The following LRFN5 variants were observed in gnomAD, a reference collection of about 807,000 sequenced individuals.
LRFN5 encodes leucine rich repeat and fibronectin type III domain containing 5.
LRFN5 carries 24 observed loss-of-function variants against 45.6 expected under a neutral mutation model. The ratio of observed to expected loss-of-function variants is 0.53; its 90% confidence interval spans 0.38 to 0.74. The LOEUF (loss-of-function observed/expected upper bound fraction) is 0.74, where lower values mean the gene tolerates loss of function less well. LRFN5 is among the 30% of genes least tolerant of loss of function. LRFN5 has a pLI of 0.00. For missense variants in LRFN5, 776 were observed against 861.5 expected, an observed-to-expected ratio of 0.90 and a Z score of 1.24; for synonymous variants, 340 against 313.8, an observed-to-expected ratio of 1.08 and a Z score of -0.88.
intron 2 of LRFN5, among the ~76,000 whole-genome samples, chr14:41,785,090 G>C (rs1041975595): frequency 6.6e-6 from 1 of 151,824 alleles, no homozygotes; most frequent in African/African-American, 2.4e-5. Context: ...CTTTTTTTTG[G>C]AGTGGTGTTT....
intron 2 of LRFN5, among the ~76,000 whole-genome samples, chr14:41,833,510 C>G (rs1385832518): frequency 6.6e-6 from 1 of 152,202 alleles, no homozygotes; most frequent in Non-Finnish European, 1.5e-5. Flanking sequence ...TTATCTCTTT[C>G]AAGGCAAAGT....
intron 1 of LRFN5, among the ~76,000 whole-genome samples, chr14:41,727,378 A>G (rs1883981722): frequency 6.6e-6 from 1 of 152,094 alleles, no homozygotes; most frequent in Admixed American, 6.6e-5. Flanking sequence ...CAGAGGCAGG[A>G]GGCTTACTTG....
rs554896568 is a variant in LRFN5 at position 41,902,223 on chromosome 14, G to A, written c.2143-1935G>A. Among the ~76,000 whole-genome samples, 4 of 151,838 alleles carry A rather than the reference G, an allele frequency of 2.6e-5. No individual in the cohort carries two copies. The East Asian group carries it at 5.8e-4, about 22-fold the overall frequency. On this transcript the variant is annotated intron_variant, in intron 5 of 5. Transcript: ENST00000298119. ...TAAGACTGTCCACAGATTTTTGCATGATATCCACTCACTCTTAAATGAGGA... is the reference window on the plus strand; with the variant it reads ...TAAGACTGTCCACAGATTTTTGCATAATATCCACTCACTCTTAAATGAGGA...
At chr14:41,689,377 A>G (rs1341153081) in intron 1 of LRFN5, among the ~76,000 whole-genome samples, 1 of 152,208 alleles carries the variant, frequency 6.6e-6, no homozygotes, top group Non-Finnish European at 1.5e-5. Flanking sequence ...CAATAAAAAG[A>G]AAACATGACT....
At chr14:41,819,808 T>G (rs1888049582) in intron 2 of LRFN5, among the ~76,000 whole-genome samples, 1 of 152,074 alleles carries the variant, frequency 6.6e-6, no homozygotes, top group Non-Finnish European at 1.5e-5. Context: ...ACCAGGCCCC[T>G]CCTCCAAGAT....
At chr14:41,711,167 TC>T (rs1883268828) in intron 1 of LRFN5, among the ~76,000 whole-genome samples, 2 of 152,040 alleles carry the variant, frequency 1.3e-5, no homozygotes, top group Non-Finnish European at 1.5e-5. Context: ...AAAAAAATGG[TC>T]TTAAATAGGC....
chr14:41,677,370 C>T (rs1230780107), intron 1 of LRFN5, among the ~76,000 whole-genome samples: 1 of 152,102 alleles, frequency 6.6e-6, no homozygotes, highest in Non-Finnish European at 1.5e-5. Context: ...ATCTAACACA[C>T]ACACACACAT....
intron 2 of LRFN5, among the ~76,000 whole-genome samples, chr14:41,856,305 A>T (rs1889449764): frequency 6.6e-6 from 1 of 152,248 alleles, no homozygotes; most frequent in Admixed American, 6.5e-5. Flanking sequence ...TAATTCATGC[A>T]TTTAGCAGAT....
At chr14:41,735,813 T>A (rs1186690643) in intron 1 of LRFN5, among the ~76,000 whole-genome samples, 4 of 151,990 alleles carry the variant, frequency 2.6e-5, no homozygotes. Flanking sequence ...TGTCCATGTG[T>A]TCTCATTGTT....
chr14:41,759,190 G>A (rs574682201), intron 1 of LRFN5, among the ~76,000 whole-genome samples: 56 of 152,060 alleles, frequency 3.7e-4, no homozygotes, highest in African/African-American at 1.2e-3. Context: ...TTCCCAAAAA[G>A]GTGCTTCTCG....
intron 1 of LRFN5, among the ~76,000 whole-genome samples, chr14:41,628,076 A>G (rs1458082260): frequency 1.3e-5 from 2 of 152,168 alleles, no homozygotes; most frequent in Non-Finnish European, 2.9e-5. Context: ...TGTTTTCACA[A>G]CTGCTTCTGT....
chr14:41,886,019 C>CAAAA (rs35648547), intron 2 of LRFN5, among the ~76,000 whole-genome samples: 1,216 of 88,220 alleles, frequency 0.014, 38 homozygotes, highest in Non-Finnish European at 0.017. Flanking sequence ...AGGCTCGTCT[C>CAAAA]AAAAAAAAAA....
At position 41,891,718 on chromosome 14, in the gene LRFN5, G is replaced by A. The variant is rs1297801526; in HGVS notation, c.1854G>A (p.Ser618=). The A allele has an allele frequency of 2.5e-6, 4 of 1,614,026 alleles. No individual in the cohort carries two copies. Among genetic ancestry groups the A allele is most frequent in the Non-Finnish European group, 3.4e-6 (4 of 1,180,046 alleles). ...TGATTCAATCTTCAGAAACTTGTTCGAGTCAGGACTCCTCTACCACTACCT... is the reference window on the plus strand; with the variant it reads ...TGATTCAATCTTCAGAAACTTGTTCAAGTCAGGACTCCTCTACCACTACCT... ...DNVIQSSETC[S]SQDSSTTTSA... Residue 618 remains serine, a synonymous_variant, in exon 4 of 6, where the codon TCG becomes TCA. Transcript: ENST00000298119.
At chr14:41,882,248 G>A (rs913701392) in intron 2 of LRFN5, among the ~76,000 whole-genome samples, 1 of 151,346 alleles carries the variant, frequency 6.6e-6, no homozygotes, top group Non-Finnish European at 1.5e-5. Context: ...TTTTCTTTTG[G>A]CTGCACCTAC....
At chr14:41,834,986 T>C (rs1370418792) in intron 2 of LRFN5, among the ~76,000 whole-genome samples, 1 of 148,796 alleles carries the variant, frequency 6.7e-6, no homozygotes, top group African/African-American at 2.5e-5. Flanking sequence ...TGAATGTTAG[T>C]CTCCAGTGAA....
At chr14:41,812,017 A>G (rs186112986) in intron 2 of LRFN5, among the ~76,000 whole-genome samples, 60 of 152,266 alleles carry the variant, frequency 3.9e-4, no homozygotes, top group Middle Eastern at 3.4e-3. Flanking sequence ...ATAGCATAAC[A>G]TCTTTTAAAA....
At chr14:41,686,433 C>T (rs766326982) in intron 1 of LRFN5, among the ~76,000 whole-genome samples, 1 of 152,014 alleles carries the variant, frequency 6.6e-6, no homozygotes, top group Non-Finnish European at 1.5e-5. Flanking sequence ...TTGACTTCCT[C>T]TATTCCTATT....
chr14:41,867,644 A>G (rs543185974), intron 2 of LRFN5, among the ~76,000 whole-genome samples: 12 of 152,236 alleles, frequency 7.9e-5, no homozygotes, highest in African/African-American at 2.4e-4. Flanking sequence ...AGTTCACAGC[A>G]GATCTCCATA....
chr14:41,868,662 A>G lies in LRFN5; in HGVS notation c.-20-17944A>G, dbSNP rs115365722. On this transcript the variant is annotated intron_variant, in intron 2 of 5. Transcript: ENST00000298119. Reference sequence around the variant, plus strand: ...CCCTGACTCCTTCCACTGCGTTAGCAGTATCTAATTTGCCAAAATGAGAAG... The same window carrying G: ...CCCTGACTCCTTCCACTGCGTTAGCGGTATCTAATTTGCCAAAATGAGAAG... Among the ~76,000 whole-genome samples the G allele has an allele frequency of 6.8e-3, 1,042 of 152,228 alleles. 13 individuals carry two copies. Among genetic ancestry groups the G allele is most frequent in the African/African-American group, 0.024 (994 of 41,554 alleles).
Sources: gnomAD v4.1 joint callset for allele counts (sites outside exome capture counted in the v4.1 genomes callset) on GRCh38, gnomAD v4.1.1 for gene constraint, MANE v1.5 for transcripts, NCBI Gene and HGNC (gene_info 2026-07-23, HGNC 2026-07-21) for gene names.